UGT1A10: variants seen among roughly 807,000 people sequenced by gnomAD.
The protein encoded by UGT1A10 is UDP-glucuronosyltransferase 1A10.
In UGT1A10, 49 loss-of-function variants were observed where a neutral mutation model predicts 45.8. The ratio of observed to expected loss-of-function variants is 1.07; its 90% CI spans 0.85 to 1.36. UGT1A10 has a LOEUF of 1.36. UGT1A10 is among the 40% of genes most tolerant of loss of function. UGT1A10 has a pLI of 0.00. For missense variants in UGT1A10, 745 were observed against 668.6 expected (o/e 1.11, Z -1.26); for synonymous variants, 284 against 249.7 (o/e 1.14, Z -1.29).
At chr2:233,718,205 T>A (rs2076639631) in intron 1 of UGT1A10, among the ~76,000 whole-genome samples, 2 of 152,198 alleles carry the variant, frequency 1.3e-5, no homozygotes, top group Non-Finnish European at 2.9e-5. Flanking sequence ...AGCTTTTTTT[T>A]ATATTGACAG....
intron 1 of UGT1A10, among the ~76,000 whole-genome samples, chr2:233,696,091 T>TCAAAA (rs918260053): frequency 2.6e-4 from 39 of 152,170 alleles, no homozygotes; most frequent in Admixed American, 1.9e-3. Flanking sequence ...TGGAGAGTCT[T>TCAAAA]CAAAACAAAA....
chr2:233,763,551 G>A (rs946650773), intron 1 of UGT1A10, among the ~76,000 whole-genome samples: 3 of 152,122 alleles, frequency 2.0e-5, no homozygotes, highest in African/African-American at 7.2e-5. Context: ...CTACTGGTTG[G>A]TCAAGTTACT....
At chr2:233,762,959 A>G (rs910713716) in intron 1 of UGT1A10, among the ~76,000 whole-genome samples, 4 of 152,252 alleles carry the variant, frequency 2.6e-5, no homozygotes, top group African/African-American at 9.6e-5. Flanking sequence ...GCAATAGGAA[A>G]GATGCCCGTC....
Position 233,636,861 on chromosome 2 carries a change from C to T in UGT1A10, c.339C>T (p.Ser113=), listed in dbSNP as rs746199187. ...QSIFSLLMSS[S]SGFLDLFFSH... ...TATTTTCTCTATTAATGAGTTCATCCAGTGGTTTTCTTGACTTATTTTTTT... is the reference window on the plus strand; with the variant it reads ...TATTTTCTCTATTAATGAGTTCATCTAGTGGTTTTCTTGACTTATTTTTTT... Residue 113 remains serine (S), a synonymous_variant, in exon 1 of 5, where the codon TCC becomes TCT. Coordinates refer to ENST00000344644, the MANE Select transcript of UGT1A10 (RefSeq NM_019075.4). 17 of 1,614,132 alleles carry T rather than the reference C, an allele frequency of 1.1e-5. No homozygotes were observed. The East Asian group carries it at 3.8e-4, about 36-fold the overall frequency.
intron 1 of UGT1A10, among the ~76,000 whole-genome samples, chr2:233,695,423 CT>C (rs2075287653): frequency 2.6e-5 from 2 of 76,322 alleles, no homozygotes; most frequent in Non-Finnish European, 6.4e-5. Context: ...CGCGCCCGGC[CT>C]TCTTCTTCTT....
At chr2:233,707,648 A>G (rs1301203281) in intron 1 of UGT1A10, among the ~76,000 whole-genome samples, 1 of 151,666 alleles carries the variant, frequency 6.6e-6, no homozygotes, top group Non-Finnish European at 1.5e-5. Context: ...GTATGAATAC[A>G]CCACAATTTT....
Position 233,636,942 on chromosome 2 carries a change from T to G in UGT1A10, c.420T>G (p.Ser140Arg). 1 of 1,613,980 alleles carries G rather than the reference T, an allele frequency of 6.2e-7. No homozygotes were observed. Among genetic ancestry groups the G allele is most frequent in the Non-Finnish European group, 8.5e-7 (1 of 1,179,994 alleles). Residue 140 changes from serine (S) to arginine (R), a missense_variant, in exon 1 of 5, where the codon AGT becomes AGG. Coordinates refer to ENST00000344644, the MANE Select transcript of UGT1A10 (RefSeq NM_019075.4). ...AATTAGTAGAATACTTAAAGGAGAG[T>G]TCTTTTGATGCAGTGTTTCTGGATC... ...DRKLVEYLKE[S>R]SFDAVFLDPF...
chr2:233,696,392 T>C (rs1379214927), intron 1 of UGT1A10, among the ~76,000 whole-genome samples: 1 of 152,222 alleles, frequency 6.6e-6, no homozygotes, highest in Admixed American at 6.5e-5. Flanking sequence ...TCTTTGTACG[T>C]TTTGTAAATG....
chr2:233,642,906 GTC>G (rs1323263354), intron 1 of UGT1A10, among the ~76,000 whole-genome samples: 1 of 150,970 alleles, frequency 6.6e-6, no homozygotes, highest in Non-Finnish European at 1.5e-5. Flanking sequence ...CTCTCTCTCT[GTC>G]TCTCTCTCTG....
intron 1 of UGT1A10, among the ~76,000 whole-genome samples, chr2:233,652,728 A>G (rs1559325867): frequency 6.6e-6 from 1 of 152,236 alleles, no homozygotes; most frequent in Admixed American, 6.5e-5. Context: ...GGAAAGAATA[A>G]TCTCTTCAAC....
At chr2:233,643,259 A>C (rs2073505469) in intron 1 of UGT1A10, among the ~76,000 whole-genome samples, 1 of 152,262 alleles carries the variant, frequency 6.6e-6, no homozygotes, top group South Asian at 2.1e-4. Flanking sequence ...CTGGCACTCA[A>C]ACCACAAGAT....
At chr2:233,677,109 G>T (rs1007638228) in intron 1 of UGT1A10, among the ~76,000 whole-genome samples, 1 of 151,970 alleles carries the variant, frequency 6.6e-6, no homozygotes, top group Non-Finnish European at 1.5e-5. Context: ...GATTGGGATT[G>T]TATTTTATTT....
chr2:233,674,108 T>C (rs904598405), intron 1 of UGT1A10, among the ~76,000 whole-genome samples: 2 of 152,190 alleles, frequency 1.3e-5, no homozygotes, highest in Non-Finnish European at 2.9e-5. Context: ...GGATGGAGTA[T>C]ACAATTTATC....
intron 1 of UGT1A10, chr2:233,691,193 C>T: frequency 1.0e-6 from 1 of 985,666 alleles, no homozygotes; most frequent in Non-Finnish European, 1.2e-6. Flanking sequence ...GAAGGTGGAC[C>T]TGAGCTCTGT....
At chr2:233,747,290 C>A (rs1693611361) in intron 1 of UGT1A10, 1 of 1,601,096 alleles carries the variant, frequency 6.2e-7, no homozygotes, top group Admixed American at 1.7e-5. Context: ...CAGCCCTGGG[C>A]TGAGAGTGGG....
chr2:233,723,738 G>C (rs1448534034), intron 1 of UGT1A10, among the ~76,000 whole-genome samples: 1 of 75,272 alleles, frequency 1.3e-5, no homozygotes, highest in Non-Finnish European at 2.3e-5. Flanking sequence ...GACTCTTAAC[G>C]AGCATGCTGC....
chr2:233,645,411 G>A (rs1407159393), intron 1 of UGT1A10, among the ~76,000 whole-genome samples: 5 of 152,052 alleles, frequency 3.3e-5, no homozygotes, highest in East Asian at 1.9e-4. Flanking sequence ...CAACAGTCCC[G>A]CAAAGTCTCA....
At chr2:233,658,983 G>T (rs1031877194) in intron 1 of UGT1A10, among the ~76,000 whole-genome samples, 1 of 152,120 alleles carries the variant, frequency 6.6e-6, no homozygotes, top group South Asian at 2.1e-4. Flanking sequence ...ACAAAAAAAA[G>T]CCTGTTGGGA....
At chr2:233,758,675 G>A (rs1391896558) in intron 1 of UGT1A10, among the ~76,000 whole-genome samples, 10 of 152,156 alleles carry the variant, frequency 6.6e-5, no homozygotes, top group Admixed American at 6.5e-4. Flanking sequence ...CTGTTAATAT[G>A]TCCCATAGGA....
Sources: allele counts gnomAD v4.1 joint callset (sites outside exome capture counted in the v4.1 genomes callset), GRCh38; gene constraint gnomAD v4.1.1; transcripts MANE v1.5; gene names NCBI Gene and HGNC (gene_info 2026-07-23, HGNC 2026-07-21).